RNF212: variants seen among roughly 807,000 people sequenced by gnomAD.
RNF212 encodes probable E3 SUMO-protein ligase RNF212.
RNF212 carries 33 observed loss-of-function variants against 34.7 expected under a neutral mutation model. The observed-to-expected ratio is 0.95, with a 90% confidence interval of 0.72 to 1.27. The LOEUF (loss-of-function observed/expected upper bound fraction) is 1.27, where lower values mean the gene tolerates loss of function less well. Ranked by LOEUF, RNF212 falls within the 50% of genes most tolerant of loss-of-function variation. RNF212 has a pLI of 0.00. For synonymous variants in RNF212, 140 were observed against 136.1 expected (o/e 1.03, Z -0.20); for missense variants, 377 against 362.2 (o/e 1.04, Z -0.33).
At chr4:1,111,594 A>G (rs1015321103) in intron 1 of RNF212, among the ~76,000 whole-genome samples, 6 of 152,032 alleles carry the variant, frequency 3.9e-5, no homozygotes, top group Non-Finnish European at 5.9e-5. Context: ...TCCTGAACCT[A>G]TCACTTCTCC....
intron 3 of RNF212, among the ~76,000 whole-genome samples, chr4:1,062,082 T>C (rs1410795563): frequency 6.6e-6 from 1 of 151,890 alleles, no homozygotes; most frequent in Non-Finnish European, 1.5e-5. Context: ...AAAACAGAAA[T>C]GCTAAAGAAA....
rs372230431 is a variant in RNF212, at chr4:1,113,538, G to T, written c.-74C>A. The T allele has an allele frequency of 5.5e-6, 7 of 1,274,800 alleles. No individual in the cohort carries two copies. The Admixed American group carries it at 1.0e-4, about 18-fold the overall frequency. 79.0% of individuals were successfully genotyped at this position (1,274,800 alleles called of 1,614,324 possible). On this transcript the variant is annotated 5_prime_UTR_variant, in exon 1 of 10. Transcript: ENST00000433731. The stretch of plus-strand genomic sequence containing the variant: ...GCAAGGTTGGGACCAGCCTCCCCGC[G>T]CAGGGCCCGAAGGCGGGCAGCTCTG...
At position 1,096,840 on chromosome 4, in the gene RNF212, C is replaced by A; in HGVS notation, c.172-1G>T. 1 of 1,603,582 alleles carries A rather than the reference C, an allele frequency of 6.2e-7. No homozygotes were observed. Among genetic ancestry groups the A allele is most frequent in the Non-Finnish European group, 8.5e-7 (1 of 1,170,244 alleles). ...AGAATGCCTGGATATCTGCGTCGGT[C>A]TGAAAGAGAAAGAAATGACTCTACA... On this transcript the variant is annotated splice_acceptor_variant, in intron 2 of 9. Coordinates refer to ENST00000433731, the MANE Select transcript of RNF212 (RefSeq NM_001131034.4). LOFTEE classifies it high-confidence loss of function.
At chr4:1,070,279 C>G (rs1718373158), downstream of RNF212, among the ~76,000 whole-genome samples, 1 of 144,528 alleles carries the variant, frequency 6.9e-6, no homozygotes, top group Non-Finnish European at 1.5e-5. Context: ...GCGTGGACGC[C>G]TGGCCTGAGT....
At chr4:1,063,787 T>C (rs1004955154) in intron 3 of RNF212, among the ~76,000 whole-genome samples, 34 of 150,076 alleles carry the variant, frequency 2.3e-4, no homozygotes, top group Admixed American at 1.7e-3. Flanking sequence ...GGTGGGAGGA[T>C]TGATTGAGCC....
chr4:1,103,281 G>A (rs1474016438), intron 2 of RNF212, among the ~76,000 whole-genome samples: 3 of 151,912 alleles, frequency 2.0e-5, no homozygotes, highest in Non-Finnish European at 2.9e-5. Flanking sequence ...AAACTTACTG[G>A]GCCTAAATAG....
chr4:1,096,885 G>T, intron 2 of RNF212, 46 bp from the exon 3 acceptor site: 1 of 1,392,982 alleles, frequency 7.2e-7, no homozygotes, highest in Non-Finnish European at 1.0e-6. Context: ...TCTAATAAAC[G>T]CTTCTGGCCC....
chr4:1,093,210 C>T (rs1036879373), intron 3 of RNF212: 2 of 303,262 alleles, frequency 6.6e-6, no homozygotes, highest in African/African-American at 2.2e-5. Flanking sequence ...TGGTCTTGGG[C>T]CAGTTTTGCA....
chr4:1,057,330 A>G (rs980855904), intron 4 of RNF212, among the ~76,000 whole-genome samples: 2 of 152,132 alleles, frequency 1.3e-5, no homozygotes, highest in African/African-American at 4.8e-5. Flanking sequence ...GGGGGCTGAC[A>G]TGGGAGGGTC....
intron 7 of RNF212, among the ~76,000 whole-genome samples, chr4:1,080,186 G>A (rs761605082): frequency 2.6e-5 from 4 of 152,188 alleles, no homozygotes; most frequent in Admixed American, 6.5e-5. Context: ...TTCATTTTGC[G>A]TTGGCCCCCT....
chr4:1,077,038 A>T (rs571288271), intron 8 of RNF212, among the ~76,000 whole-genome samples: 6 of 152,198 alleles, frequency 3.9e-5, no homozygotes, highest in African/African-American at 1.4e-4. Context: ...GACCAGCCTG[A>T]CCAATATGGT....
chr4:1,101,728 T>G (rs893390708), intron 2 of RNF212, among the ~76,000 whole-genome samples: 15 of 152,204 alleles, frequency 9.9e-5, no homozygotes, highest in African/African-American at 3.4e-4. Flanking sequence ...AAAATACACA[T>G]ATGGCCCCAT....
intron 2 of RNF212, among the ~76,000 whole-genome samples, chr4:1,107,742 GC>G (rs1370984431): frequency 6.6e-6 from 1 of 152,158 alleles, no homozygotes; most frequent in African/African-American, 2.4e-5. Flanking sequence ...GAGCCATCAC[GC>G]CCGGCAGGAC....
intron 2 of RNF212, chr4:1,099,707 A>G: frequency 2.2e-6 from 1 of 456,286 alleles, no homozygotes; most frequent in Non-Finnish European, 4.4e-6. Context: ...ATACATAGTT[A>G]AATCTCACAG....
chr4:1,112,690 C>A (rs1476438517), intron 1 of RNF212, among the ~76,000 whole-genome samples: 1 of 148,626 alleles, frequency 6.7e-6, no homozygotes. Context: ...CCCTGTGTCC[C>A]CCTCATCTTG....
chr4:1,083,908 A>C (rs1261284972), intron 5 of RNF212, among the ~76,000 whole-genome samples: 1 of 152,020 alleles, frequency 6.6e-6, no homozygotes, highest in Non-Finnish European at 1.5e-5. Flanking sequence ...TTATACACCA[A>C]CAAGGAAAAA....
At chr4:1,074,827 A>C (rs999864500) in intron 8 of RNF212, among the ~76,000 whole-genome samples, 4 of 152,008 alleles carry the variant, frequency 2.6e-5, no homozygotes, top group African/African-American at 9.7e-5. Context: ...TCCTGTGAAC[A>C]CCAGACATAT....
In RNF212 at chr4:1,113,385, T is replaced by C. The variant is rs573990798; in HGVS notation, c.80A>G (p.His27Arg). Residue 27 changes from histidine (H) to arginine (R), a missense_variant, in exon 1 of 10, where the codon CAC becomes CGC. Coordinates refer to ENST00000433731, the MANE Select transcript of RNF212 (RefSeq NM_001131034.4). ...TSCFSLTNCGHVYCDACLGKG... is the reference protein window; with the variant it reads ...TSCFSLTNCGRVYCDACLGKG... ...GCCGAGGCAGGCGTCGCAGTACACG[T>C]GCCCGCAGTTGGTGAGGCTGAAGCA... is the stretch of plus-strand genomic sequence containing the variant. The C allele has an allele frequency of 1.6e-5, 26 of 1,598,582 alleles. No individual in the cohort carries two copies. Among genetic ancestry groups the C allele is most frequent in the Non-Finnish European group, 2.2e-5 (26 of 1,174,318 alleles).
At chr4:1,106,956 G>A (rs972113016) in intron 2 of RNF212, among the ~76,000 whole-genome samples, 1 of 152,078 alleles carries the variant, frequency 6.6e-6, no homozygotes, top group Non-Finnish European at 1.5e-5. Context: ...GCGAAAAACC[G>A]AAAAAATCCA....
Sources: allele counts gnomAD v4.1 joint callset (sites outside exome capture counted in the v4.1 genomes callset), GRCh38; gene constraint gnomAD v4.1.1; transcripts MANE v1.5; gene names NCBI Gene and HGNC (gene_info 2026-07-23, HGNC 2026-07-21).